The following PLXNB1 variants were observed in gnomAD, a reference collection of about 807,000 sequenced individuals.
The protein encoded by PLXNB1 is plexin B1.
Under a neutral mutation model 209.4 loss-of-function variants are expected in PLXNB1, and 106 were observed. That is an observed-to-expected ratio of 0.51 (90% CI 0.43 to 0.59). The LOEUF is 0.59. Among genes scored for constraint, PLXNB1 ranks in the 20% least tolerant of loss-of-function variants. The pLI is 0.00. For missense variants in PLXNB1, 2,357 were observed against 2,853.2 expected, an observed-to-expected ratio of 0.83 and a Z score of 3.96; for synonymous variants, 1,167 against 1,183.2, an observed-to-expected ratio of 0.99 and a Z score of 0.28.
In PLXNB1 at chr3:48,423,922, G is replaced by T; in HGVS notation, c.690C>A (p.Phe230Leu). 1 of 1,614,168 alleles carries T rather than the reference G, an allele frequency of 6.2e-7. No individual in the cohort carries two copies. The highest frequency in any genetic ancestry group is 8.5e-7 in the Non-Finnish European group (1 of 1,180,024). Residue 230 changes from phenylalanine to leucine, a missense_variant, in exon 3 of 38, where the codon TTC becomes TTA. Physicochemically the swap from Phe to Leu is conservative, Grantham distance 22. This residue lies in a region of PLXNB1 where 404 missense variants were observed against 443.6 expected (regional missense o/e 0.91). Coordinates refer to ENST00000296440, the MANE Select transcript of PLXNB1 (RefSeq NM_001130082.3). ...SAFARGASAY[F>L]LFLRRDLQAQ... ...CCTGCAGGTCCCGCCGCAGGAACAG[G>T]AAGTAGGCGCTGGCCCCACGTGCAA... is the stretch of plus-strand genomic sequence containing the variant.
chr3:48,426,827 C>T (rs2038920772), intron 1 of PLXNB1, among the ~76,000 whole-genome samples: 1 of 152,174 alleles, frequency 6.6e-6, no homozygotes, highest in East Asian at 1.9e-4. Context: ...CGGCCAGGAT[C>T]CCAGGACTGT....
rs1038189637 is a variant in PLXNB1 at position 48,409,536 on chromosome 3, C to G, written c.5939+35G>C. On this transcript the variant is annotated intron_variant, in intron 33 of 37. Coordinates refer to ENST00000296440, the MANE Select transcript of PLXNB1 (RefSeq NM_001130082.3). The surrounding 1 kb of genome is among the most constrained non-coding windows in gnomAD (Gnocchi z 5.8). ...TGGGGAGGCAGAAGAGAAGACCCCC[C>G]ACACACACCTAGAGCCCACCCAGCT... The G allele has an allele frequency of 1.2e-6, 2 of 1,613,836 alleles. No homozygotes were observed. Among genetic ancestry groups the G allele is most frequent in the East Asian group, 2.2e-5 (1 of 44,880 alleles).
chr3:48,413,047 G>A lies in PLXNB1; in HGVS notation c.4636+22C>T. ...GGTTTGGGCAGAGTTCTGGAGGGCG[G>A]GGCCCATTCTCTCAGCCACACCTGT... On this transcript the variant is annotated intron_variant, in intron 24 of 37. Transcript: ENST00000296440. The surrounding 1 kb of genome is among the most constrained non-coding windows in gnomAD (Gnocchi z 5.4). 1 of 1,609,560 alleles carries A rather than the reference G, an allele frequency of 6.2e-7. No individual in the cohort carries two copies. Among genetic ancestry groups the A allele is most frequent in the Non-Finnish European group, 8.5e-7 (1 of 1,175,898 alleles).
At chr3:48,424,731 GGT>G in intron 2 of PLXNB1, 114 bp from the exon 3 acceptor site, 4 of 1,103,020 alleles carry the variant, frequency 3.6e-6, no homozygotes, top group Non-Finnish European at 5.1e-6. Flanking sequence ...TAACCTAGGG[GGT>G]GAGCAGAGGA....
chr3:48,424,402 G>A lies in PLXNB1; in HGVS notation c.210C>T (p.Thr70=), dbSNP rs572980338. ...PGLQLEATVS[T]GPVLDSRDCL... Reference sequence around the variant, plus strand: ...AGTCCCTGCTGTCTAGCACAGGGCCGGTGGACACTGTGGCCTCCAGCTGCA... The same window carrying A: ...AGTCCCTGCTGTCTAGCACAGGGCCAGTGGACACTGTGGCCTCCAGCTGCA... Residue 70 remains threonine (T), a synonymous_variant, in exon 3 of 38, where the codon ACC becomes ACT. Transcript: ENST00000296440. 32 of 1,562,340 alleles carry A rather than the reference G, an allele frequency of 2.0e-5. No individual in the cohort carries two copies. In the African/African-American group the frequency reaches 3.1e-4, roughly 15 times the overall value.
Position 48,410,041 on chromosome 3 carries a change from A to T in PLXNB1, c.5642T>A (p.Ile1881Asn). The change falls in exon 32 of 38, where the codon ATC (isoleucine) becomes AAC (asparagine). Residue 1881 changes from isoleucine to asparagine, a missense_variant. By Grantham distance (149) the Ile-to-Asn change is moderately radical. This residue lies in a region of PLXNB1 where 414 missense variants were observed against 520.5 expected (regional missense o/e 0.80). Coordinates refer to ENST00000296440, the MANE Select transcript of PLXNB1 (RefSeq NM_001130082.3). This position sits in a 1 kb window ranked among gnomAD's most constrained non-coding sequence, Gnocchi z 6.4. ...PMLEDVDEGG[I>N]RPWHLVKPSD... ...TGGCTTCACCAGGTGCCAGGGCCGG[A>T]TGCCCCCCTCATCTACATCCTCCAG... The T allele has an allele frequency of 6.2e-7, 1 of 1,608,580 alleles. No homozygotes were observed. The highest frequency in any genetic ancestry group is 8.5e-7 in the Non-Finnish European group (1 of 1,176,844).
intron 3 of PLXNB1, 119 bp from the exon 4 acceptor site, chr3:48,423,066 G>A: frequency 1.2e-6 from 1 of 850,602 alleles, no homozygotes; most frequent in Non-Finnish European, 1.8e-6. Context: ...GTACAACTGT[G>A]TTTTCTCTGC....
At position 48,418,206 on chromosome 3, in the gene PLXNB1, C is replaced by T. The variant is rs529889028; in HGVS notation, c.3207G>A (p.Ala1069=). The change falls in exon 15 of 38, where the codon GCG becomes GCA. Residue 1069 remains alanine (A), a synonymous_variant. Transcript: ENST00000296440. The surrounding 1 kb of genome is among the most constrained non-coding windows in gnomAD (Gnocchi z 6.6). ...TTCAACAAACCGAGTGGATGAGGGG[C>T]GCTGGGCACTGGGTGGCCACAGCCT... The part of the protein sequence containing the change: ...EAEAVATQCP[A]PLIHSVEPLT... 1.2e-5 allele frequency: 19 copies of T among 1,610,434 alleles called. No individual in the cohort carries two copies. The highest frequency in any genetic ancestry group is 4.0e-5 in the African/African-American group (3 of 74,924).
At position 48,415,205 on chromosome 3, in the gene PLXNB1, A is replaced by T. The variant is rs756939736; in HGVS notation, c.3937T>A (p.Ser1313Thr). 9.9e-6 allele frequency: 16 copies of T among 1,613,434 alleles called. No homozygotes were observed. The South Asian group carries it at 1.1e-4, about 11-fold the overall frequency. The change falls in exon 20 of 38, where the codon TCC becomes ACC. Residue 1313 changes from serine (S) to threonine (T), a missense_variant. By Grantham distance (58) the Ser-to-Thr change is moderately conservative. Transcript: ENST00000296440. This position sits in a 1 kb window ranked among gnomAD's most constrained non-coding sequence, Gnocchi z 5.0. ...RRRVVPETAC[S>T]LGPSCSSQQF... ...TGGCTACTGCAGGAGGGTCCAAGGGAACATGCCGTCTCCGGGACCACGCGA... is the reference window on the plus strand; with the variant it reads ...TGGCTACTGCAGGAGGGTCCAAGGGTACATGCCGTCTCCGGGACCACGCGA...
At position 48,412,277 on chromosome 3, in the gene PLXNB1, G is replaced by A. The variant is rs3214042; in HGVS notation, c.5061C>T (p.Leu1687=). ...RRTETVVEKL[L]TNWMSICLYT... is the part of the protein sequence containing the mutation. ...ACAGACAGATGGACATCCAGTTGGT[G>A]AGCAGCTTCTCCACCACAGTCTCTG... Residue 1687 remains leucine (L), a synonymous_variant, in exon 27 of 38, where the codon CTC becomes CTT. Transcript: ENST00000296440. 1,448 of 1,614,110 alleles carry A rather than the reference G, an allele frequency of 9.0e-4. 26 individuals are homozygous for A. The East Asian group carries it at 0.03, about 33-fold the overall frequency.
rs746932789 is a variant in PLXNB1 at position 48,418,501 on chromosome 3, C to T, written c.2997G>A (p.Leu999=). ...EALQPELRVG[L]FLRRAGRLRV... ...GCAGACGGCCGGCCCGACGCAGAAACAGCCCCACACGGAGCTCCGGCTGCA... is the reference window on the plus strand; with the variant it reads ...GCAGACGGCCGGCCCGACGCAGAAATAGCCCCACACGGAGCTCCGGCTGCA... The change falls in exon 14 of 38, where the codon CTG becomes CTA. Residue 999 remains leucine, a synonymous_variant. Coordinates refer to ENST00000296440, the MANE Select transcript of PLXNB1 (RefSeq NM_001130082.3). The surrounding 1 kb of genome is among the most constrained non-coding windows in gnomAD (Gnocchi z 6.6). The T allele has an allele frequency of 5.2e-5, 83 of 1,611,550 alleles. No homozygotes were observed. The highest frequency in any genetic ancestry group is 6.7e-5 in the Non-Finnish European group (79 of 1,179,114).
rs1324046480 is a variant in PLXNB1 at position 48,410,922 on chromosome 3, G to C, written c.5362C>G (p.Leu1788Val). ...SQAKEKMLDQLYKGVPLTQRP... is the reference protein window; with the variant it reads ...SQAKEKMLDQVYKGVPLTQRP... ...TGGGTGAGAGGCACTCCTTTATAAAGCTGGTCCAGCATCTTCTCCTTTGCC... is the reference window on the plus strand; with the variant it reads ...TGGGTGAGAGGCACTCCTTTATAAACCTGGTCCAGCATCTTCTCCTTTGCC... Residue 1788 changes from leucine (L) to valine (V), a missense_variant, in exon 29 of 38, where the codon CTT (leucine) becomes GTT (valine). Leu to Val is a conservative substitution (Grantham distance 32). Transcript: ENST00000296440. This position sits in a 1 kb window ranked among gnomAD's most constrained non-coding sequence, Gnocchi z 6.4. 6.2e-7 allele frequency: 1 copy of C among 1,613,696 alleles called. No homozygotes were observed. Among genetic ancestry groups the C allele is most frequent in the Admixed American group, 1.7e-5 (1 of 59,970 alleles).
chr3:48,428,496 G>A (rs1345758643), intron 1 of PLXNB1, among the ~76,000 whole-genome samples: 2 of 152,106 alleles, frequency 1.3e-5, no homozygotes, highest in East Asian at 1.9e-4. Flanking sequence ...CCGGACCCCC[G>A]TGGAGCTGTC....
rs1409829810 is a variant in PLXNB1, at chr3:48,405,396, T to C, written c.6303+328A>G. Among the ~76,000 whole-genome samples the C allele has an allele frequency of 2.0e-5, 3 of 152,144 alleles. No individual in the cohort carries two copies. Among genetic ancestry groups the C allele is most frequent in the African/African-American group, 7.2e-5 (3 of 41,456 alleles). Reference sequence around the variant, plus strand: ...CAGCCAAGCCAGGCCTGCACTTGCATGTTGGCCGTGCCCAACATGCTGCCA... The same window carrying C: ...CAGCCAAGCCAGGCCTGCACTTGCACGTTGGCCGTGCCCAACATGCTGCCA... On this transcript the variant is annotated intron_variant, in intron 37 of 37. Coordinates refer to ENST00000296440, the MANE Select transcript of PLXNB1 (RefSeq NM_001130082.3). The surrounding 1 kb of genome is among the most constrained non-coding windows in gnomAD (Gnocchi z 5.0).
At chr3:48,408,234 C>T (rs1240663119) in intron 34 of PLXNB1, among the ~76,000 whole-genome samples, 2 of 152,056 alleles carry the variant, frequency 1.3e-5, no homozygotes, top group African/African-American at 4.8e-5. Flanking sequence ...TGGTCTCAAA[C>T]TCCTGAGCTC....
intron 10 of PLXNB1, 36 bp downstream of exon 10, chr3:48,420,628 AC>A (rs763486178): frequency 3.1e-5 from 48 of 1,540,260 alleles, no homozygotes; most frequent in African/African-American, 8.2e-5. Context: ...GGGACCCCCA[AC>A]CCCCCCGGTA....
chr3:48,412,086 G>A, intron 27 of PLXNB1, 77 bp from the exon 28 acceptor site: 1 of 1,546,562 alleles, frequency 6.5e-7, no homozygotes, highest in East Asian at 2.2e-5. Flanking sequence ...TGGGGAAGGG[G>A]ACAGGACATG....
intron 21 of PLXNB1, among the ~76,000 whole-genome samples, 171 bp downstream of exon 21, chr3:48,414,628 A>G (rs1415634401): frequency 1.3e-5 from 2 of 152,164 alleles, no homozygotes; most frequent in Admixed American, 6.5e-5. Context: ...GCCAGATGCT[A>G]GGCTAGGCAC....
chr3:48,412,668 G>A (rs758801733), intron 25 of PLXNB1, 48 bp from the exon 26 acceptor site: 10 of 1,606,246 alleles, frequency 6.2e-6, no homozygotes, highest in Non-Finnish European at 8.5e-6. Flanking sequence ...GGGGACAGAG[G>A]GGCGGGCTCA....
Sources: allele counts gnomAD v4.1 joint callset (sites outside exome capture counted in the v4.1 genomes callset), GRCh38; gene constraint gnomAD v4.1.1; regional missense constraint gnomAD v4.1.1; non-coding constraint Gnocchi (gnomAD v3.1); transcripts MANE v1.5; gene names NCBI Gene and HGNC (gene_info 2026-07-23, HGNC 2026-07-21).